Variants in ACVR1B observed in about 807,000 individuals in gnomAD.
The protein encoded by ACVR1B is activin receptor type-1B.
In ACVR1B, 15 loss-of-function variants were observed where a neutral mutation model predicts 55.6. That is an observed-to-expected ratio of 0.27 (90% CI 0.18 to 0.42). ACVR1B has a LOEUF of 0.42. Among genes scored for constraint, ACVR1B ranks in the 10% least tolerant of loss-of-function variants. The pLI is 1.00. For missense variants in ACVR1B, 359 were observed against 670.1 expected (o/e 0.54, Z 5.13); for synonymous variants, 247 against 254.6 (o/e 0.97, Z 0.28).
intron 1 of ACVR1B, among the ~76,000 whole-genome samples, chr12:51,952,287 C>G (rs1281211428): frequency 6.6e-6 from 1 of 152,162 alleles, no homozygotes; most frequent in African/African-American, 2.4e-5. Context: ...GGGTCTTAGC[C>G]TCTCCGAGGG....
chr12:51,962,299 A>G (rs1207286271), intron 1 of ACVR1B, among the ~76,000 whole-genome samples: 2 of 152,040 alleles, frequency 1.3e-5, no homozygotes, highest in East Asian at 3.8e-4. Context: ...CCACCATACA[A>G]ATAGCTTCCT....
At chr12:51,975,195 C>T (rs974687881) in intron 1 of ACVR1B, 70 bp from the exon 2 acceptor site, 2 of 1,558,662 alleles carry the variant, frequency 1.3e-6, no homozygotes, top group South Asian at 1.2e-5. Flanking sequence ...GGATTATATT[C>T]TAAGTTTGGA....
At chr12:51,968,416 G>A (rs1941682625) in intron 1 of ACVR1B, among the ~76,000 whole-genome samples, 1 of 152,178 alleles carries the variant, frequency 6.6e-6, no homozygotes, top group Non-Finnish European at 1.5e-5. Context: ...TTTAAGTAGT[G>A]ATAAATATAT....
chr12:51,992,876 CTAA>C (rs199620569), intron 8 of ACVR1B, among the ~76,000 whole-genome samples: 2,751 of 152,312 alleles, frequency 0.018, 28 homozygotes, highest in Non-Finnish European at 0.022. Context: ...GACATACGTA[CTAA>C]TAAACATGGA....
chr12:51,993,629 T>C (rs1200964628), intron 8 of ACVR1B, among the ~76,000 whole-genome samples: 1 of 150,690 alleles, frequency 6.6e-6, no homozygotes, highest in African/African-American at 2.4e-5. Flanking sequence ...CAGCTGGGCG[T>C]AGTGGTGTGT....
At chr12:51,989,101 C>T (rs1388439908) in intron 7 of ACVR1B, among the ~76,000 whole-genome samples, 3 of 151,936 alleles carry the variant, frequency 2.0e-5, no homozygotes, top group African/African-American at 7.2e-5. Flanking sequence ...ATTAAAAATA[C>T]AAAAATTAGC....
intron 1 of ACVR1B, among the ~76,000 whole-genome samples, chr12:51,953,171 A>C (rs538883683): frequency 6.6e-6 from 1 of 152,158 alleles, no homozygotes; most frequent in Non-Finnish European, 1.5e-5. Context: ...CTAACCTTCC[A>C]GCAATGGGAG....
intron 5 of ACVR1B, 96 bp downstream of exon 5, chr12:51,984,262 T>C (rs1019940563): frequency 2.1e-6 from 3 of 1,425,242 alleles, no homozygotes; most frequent in African/African-American, 1.4e-5. Flanking sequence ...ACTGAGGAAG[T>C]TGGGGCTGGA....
In ACVR1B at chr12:51,984,176, C is replaced by G. The variant is rs1173697096; in HGVS notation, c.979+10C>G. 1.9e-6 allele frequency: 3 copies of G among 1,613,902 alleles called. No individual in the cohort carries two copies. Among genetic ancestry groups the G allele is most frequent in the African/African-American group, 1.3e-5 (1 of 74,928 alleles). ...ATCGTGGGCACCCAAGGTGAGTGGACTAGCGCAGGAGCGGCGAAGTGGTGT... is the reference window on the plus strand; with the variant it reads ...ATCGTGGGCACCCAAGGTGAGTGGAGTAGCGCAGGAGCGGCGAAGTGGTGT... On this transcript the variant is annotated intron_variant, in intron 5 of 8. Transcript: ENST00000257963.
At chr12:51,957,277 C>G (rs187685315) in intron 1 of ACVR1B, among the ~76,000 whole-genome samples, 10 of 151,636 alleles carry the variant, frequency 6.6e-5, no homozygotes, top group Non-Finnish European at 1.5e-4. Flanking sequence ...GAAACCCCGT[C>G]TCTATTAAAA....
intron 1 of ACVR1B, among the ~76,000 whole-genome samples, chr12:51,955,217 T>C (rs185859341): frequency 1.6e-3 from 249 of 152,342 alleles, no homozygotes; most frequent in African/African-American, 5.6e-3. Flanking sequence ...GACTGAGGAC[T>C]TTATCCAAAA....
intron 3 of ACVR1B, among the ~76,000 whole-genome samples, chr12:51,977,989 T>C (rs1047834627): frequency 6.6e-6 from 1 of 152,078 alleles, no homozygotes; most frequent in African/African-American, 2.4e-5. Flanking sequence ...ACAAGACTGT[T>C]GTTCTGTGGG....
At chr12:51,956,612 G>A (rs1049315817) in intron 1 of ACVR1B, among the ~76,000 whole-genome samples, 2 of 151,812 alleles carry the variant, frequency 1.3e-5, no homozygotes, top group African/African-American at 4.8e-5. Flanking sequence ...ATACAGTCTT[G>A]TTATTTGTGG....
In ACVR1B at chr12:51,960,646, G is replaced by A. The variant is rs1941501502; in HGVS notation, c.91+8812G>A. Among the ~76,000 whole-genome samples the A allele has an allele frequency of 2.0e-5, 3 of 152,120 alleles. No individual in the cohort carries two copies. In the South Asian group the frequency reaches 6.2e-4, roughly 32 times the overall value. The stretch of plus-strand genomic sequence containing the variant: ...CCCATTTTACAGATGAGAAAACTAG[G>A]GCATAGAGAAGTTAAGCAGTGGGTC... On this transcript the variant is annotated intron_variant, in intron 1 of 8. Coordinates refer to ENST00000257963, the MANE Select transcript of ACVR1B (RefSeq NM_004302.5).
intron 1 of ACVR1B, among the ~76,000 whole-genome samples, chr12:51,957,543 T>G (rs1272754307): frequency 6.6e-6 from 1 of 151,288 alleles, no homozygotes; most frequent in Non-Finnish European, 1.5e-5. Flanking sequence ...GTGGCTAGGA[T>G]CACACGCACA....
chr12:51,975,671 A>G (rs1941835583), intron 2 of ACVR1B, among the ~76,000 whole-genome samples, 167 bp downstream of exon 2: 1 of 152,200 alleles, frequency 6.6e-6, no homozygotes, highest in Admixed American at 6.5e-5. Flanking sequence ...GCTTTTGTAG[A>G]TTAGAGGGTG....
intron 8 of ACVR1B, among the ~76,000 whole-genome samples, chr12:51,993,161 T>C (rs774830135): frequency 1.3e-5 from 2 of 152,260 alleles, no homozygotes; most frequent in Non-Finnish European, 2.9e-5. Flanking sequence ...TGAGACCTAC[T>C]GTTAGCACAT....
intron 1 of ACVR1B, among the ~76,000 whole-genome samples, chr12:51,971,016 C>G (rs903607793): frequency 6.6e-5 from 10 of 152,148 alleles, no homozygotes; most frequent in African/African-American, 2.2e-4. Context: ...CCACACCCCT[C>G]CTGGTGAGGG....
At chr12:51,953,388 T>G in intron 1 of ACVR1B, 1 of 985,472 alleles carries the variant, frequency 1.0e-6, no homozygotes, top group Non-Finnish European at 1.2e-6. Flanking sequence ...CTAATGCTTC[T>G]CCTAAGCACC....
Sources: allele counts gnomAD v4.1 joint callset (sites outside exome capture counted in the v4.1 genomes callset), GRCh38; gene constraint gnomAD v4.1.1; transcripts MANE v1.5; gene names NCBI Gene and HGNC (gene_info 2026-07-23, HGNC 2026-07-21).